The following CNKSR2 variants were observed in gnomAD, a reference collection of about 807,000 sequenced individuals.
CNKSR2 encodes connector enhancer of kinase suppressor of Ras 2.
In CNKSR2, 14 loss-of-function variants were observed where a neutral mutation model predicts 84.4. The observed-to-expected ratio is 0.17, with a 90% CI of 0.11 to 0.26. The LOEUF (loss-of-function observed/expected upper bound fraction) is 0.26. Ranked by LOEUF, CNKSR2 falls within the 10% of genes least tolerant of loss-of-function variation. The pLI, the probability that CNKSR2 is intolerant of heterozygous loss-of-function variation, is 1.00. For synonymous variants in CNKSR2, 275 were observed against 277.9 expected (o/e 0.99, Z 0.10); for missense variants, 485 against 771.2 (o/e 0.63, Z 4.40).
chrX:21,394,917 A>G (rs894283520), intron 1 of CNKSR2, among the ~76,000 whole-genome samples: 42 of 111,755 alleles, frequency 3.8e-4, no homozygotes, highest in African/African-American at 1.2e-3. Flanking sequence ...TAAGAAACAA[A>G]TGAACCAATT....
At chrX:21,535,519 T>C (rs1469373395) in intron 11 of CNKSR2, among the ~76,000 whole-genome samples, 1 of 111,720 alleles carries the variant, frequency 9.0e-6, no homozygotes, top group Non-Finnish European at 1.9e-5. Context: ...ATGTGATGTC[T>C]TTCCATTTTT....
chrX:21,553,039 A>G (rs1431235711), intron 11 of CNKSR2, among the ~76,000 whole-genome samples: 1 of 112,040 alleles, frequency 8.9e-6, no homozygotes, highest in Non-Finnish European at 1.9e-5. Flanking sequence ...ATCATTGTTA[A>G]GGTATTGGAC....
At chrX:21,623,971 A>T (rs1290064905) in intron 20 of CNKSR2, among the ~76,000 whole-genome samples, 1 of 111,887 alleles carries the variant, frequency 8.9e-6, no homozygotes, top group Non-Finnish European at 1.9e-5. Context: ...CAGCCAAATT[A>T]CACAAATGAT....
At chrX:21,507,837 A>T (rs1480579546) in intron 8 of CNKSR2, among the ~76,000 whole-genome samples, 1 of 111,660 alleles carries the variant, frequency 9.0e-6, no homozygotes, top group Non-Finnish European at 1.9e-5. Context: ...TATAAATGGG[A>T]GCTTTAACAT....
At chrX:21,379,751 T>C (rs1350725101) in intron 1 of CNKSR2, among the ~76,000 whole-genome samples, 1 of 111,384 alleles carries the variant, frequency 9.0e-6, no homozygotes, top group Non-Finnish European at 1.9e-5. Flanking sequence ...GGTAGTGACA[T>C]TGACAAACTT....
intron 5 of CNKSR2, among the ~76,000 whole-genome samples, chrX:21,478,078 C>T (rs1262684325): frequency 9.0e-6 from 1 of 111,438 alleles, no homozygotes; most frequent in Non-Finnish European, 1.9e-5. Flanking sequence ...ACTAAAACAT[C>T]AACTCTAATA....
At chrX:21,509,679 A>G (rs2091651051) in intron 8 of CNKSR2, among the ~76,000 whole-genome samples, 2 of 111,839 alleles carry the variant, frequency 1.8e-5, no homozygotes, top group Admixed American at 1.9e-4. Context: ...CAAAATTAAG[A>G]TATCTCCAAA....
chrX:21,374,819 C>G lies in CNKSR2; in HGVS notation c.-79C>G. On this transcript the variant is annotated 5_prime_UTR_variant, in exon 1 of 22. Transcript: ENST00000379510. ...AGGGAGGCTGCGGCCAGCAAGGGAC[C>G]CCACCTGAGAGCAGCTCGGGCTGCT... 1 of 914,263 alleles carries G rather than the reference C, an allele frequency of 1.1e-6. No homozygotes were observed. The highest frequency in any genetic ancestry group is 1.6e-6 in the Non-Finnish European group (1 of 624,724). The allele number at this position is 914,263 out of a possible 1,213,427, so 75.3% of individuals were successfully genotyped here.
intron 1 of CNKSR2, among the ~76,000 whole-genome samples, chrX:21,410,867 A>G (rs766307152): frequency 1.8e-5 from 2 of 108,361 alleles, no homozygotes; most frequent in South Asian, 8.0e-4. Context: ...ATTCATTTAT[A>G]GTGGGCAAAT....
At chrX:21,643,244 A>T (rs1002087155) in intron 20 of CNKSR2, 1 of 111,092 alleles carries the variant, frequency 9.0e-6, no homozygotes, top group Non-Finnish European at 1.9e-5. Flanking sequence ...TATATTTTTG[A>T]TTGTCCTTCA....
rs2092723675 is a variant in CNKSR2 at position 21,652,598 on chromosome X, G to A, written c.*77G>A. 2 of 745,898 alleles carry A rather than the reference G, an allele frequency of 2.7e-6. No individual in the cohort carries two copies. The highest frequency in any genetic ancestry group is 2.5e-5 in the Admixed American group (1 of 39,455). The allele number at this position is 745,898 out of a possible 1,213,427, so 61.5% of individuals were successfully genotyped here. A position where few individuals can be genotyped will look rare whatever the true frequency, so the allele number is the denominator to read the frequency against. ...TATAAGGTAGTTTTTATATCAATGT[G>A]TGGAACACTTGACAAGCTATACTTT... On this transcript the variant is annotated 3_prime_UTR_variant, in exon 22 of 22. Transcript: ENST00000379510.
At chrX:21,649,914 G>A (rs1381576284) in intron 21 of CNKSR2, among the ~76,000 whole-genome samples, 1 of 112,266 alleles carries the variant, frequency 8.9e-6, no homozygotes, top group Non-Finnish European at 1.9e-5. Flanking sequence ...TCATTAAAAA[G>A]TCAGGAAACA....
At chrX:21,498,664 A>G (rs1440127843) in intron 7 of CNKSR2, among the ~76,000 whole-genome samples, 1 of 112,377 alleles carries the variant, frequency 8.9e-6, no homozygotes, top group Non-Finnish European at 1.9e-5. Context: ...TATCTGTGTT[A>G]TAGAGAGAAA....
At chrX:21,429,433 C>T (rs2090606640) in intron 2 of CNKSR2, 1 of 111,550 alleles carries the variant, frequency 9.0e-6, no homozygotes, top group Non-Finnish European at 1.9e-5. Flanking sequence ...CAGTGCCCTC[C>T]GTACCCCTGG....
rs765817852 is a variant in CNKSR2, at chrX:21,590,703, G to A, written c.1657+83G>A. 95 of 1,008,669 alleles carry A rather than the reference G, an allele frequency of 9.4e-5. No homozygotes were observed. In the East Asian group the frequency reaches 1.6e-3, roughly 17 times the overall value. The allele number at this position is 1,008,669 out of a possible 1,213,427, so 83.1% of individuals were successfully genotyped here. ...ACACTTCATCCATGCCCTCTTTCTTGCCTGAGCCCAGTGTGGTTTAGAAGA... is the reference window on the plus strand; with the variant it reads ...ACACTTCATCCATGCCCTCTTTCTTACCTGAGCCCAGTGTGGTTTAGAAGA... On this transcript the variant is annotated intron_variant, in intron 14 of 21. Transcript: ENST00000379510.
At chrX:21,395,379 A>G (rs2090107269) in intron 1 of CNKSR2, among the ~76,000 whole-genome samples, 1 of 111,740 alleles carries the variant, frequency 8.9e-6, no homozygotes, top group Admixed American at 9.5e-5. Context: ...CTACTTCTTC[A>G]ATCTTTTTGA....
chrX:21,470,499 A>G (rs2091184213), intron 4 of CNKSR2, among the ~76,000 whole-genome samples: 1 of 111,083 alleles, frequency 9.0e-6, no homozygotes, highest in African/African-American at 3.3e-5. Flanking sequence ...TTAAAAGTCT[A>G]CTTAATGTAT....
At chrX:21,386,912 C>CA (rs1220237427) in intron 1 of CNKSR2, among the ~76,000 whole-genome samples, 1 of 112,012 alleles carries the variant, frequency 8.9e-6, no homozygotes. Context: ...CTAAATTGCT[C>CA]ATTATCCTTT....
chrX:21,648,711 G>GA (rs2092712463), intron 20 of CNKSR2, 120 bp from the exon 21 acceptor site: 1 of 545,617 alleles, frequency 1.8e-6, no homozygotes, highest in African/African-American at 2.7e-5. Flanking sequence ...AGATAGTTTT[G>GA]ATATTTTAAT....
Sources: gnomAD v4.1 joint callset for allele counts (sites outside exome capture counted in the v4.1 genomes callset) on GRCh38, gnomAD v4.1.1 for gene constraint, MANE v1.5 for transcripts, NCBI Gene and HGNC (gene_info 2026-07-23, HGNC 2026-07-21) for gene names.